Variants in CDH12 observed in about 807,000 individuals in gnomAD.
CDH12 encodes the protein cadherin-12.
Under a neutral mutation model 74.1 loss-of-function variants are expected in CDH12, and 41 were observed. That is an observed-to-expected ratio of 0.55 (90% CI 0.43 to 0.72). The LOEUF is 0.72. Ranked by LOEUF, CDH12 falls within the 30% of genes least tolerant of loss-of-function variation. The pLI, the probability that CDH12 is intolerant of heterozygous loss-of-function variation, is 0.00. For synonymous variants in CDH12, 399 were observed against 355.0 expected (o/e 1.12, Z -1.39); for missense variants, 945 against 977.2 (o/e 0.97, Z 0.44).
At chr5:22,677,524 A>G (rs549387605) in intron 1 of CDH12, among the ~76,000 whole-genome samples, 4 of 152,096 alleles carry the variant, frequency 2.6e-5, no homozygotes, top group Non-Finnish European at 5.9e-5. Flanking sequence ...TCATGACCAA[A>G]TCACCTCTCA....
At chr5:21,838,036 A>G (rs1172373982) in intron 8 of CDH12, among the ~76,000 whole-genome samples, 2 of 152,182 alleles carry the variant, frequency 1.3e-5, no homozygotes, top group Non-Finnish European at 1.5e-5. Flanking sequence ...GTGACAGATA[A>G]AGGAAACTAA....
Position 22,599,379 on chromosome 5 carries a change from C to T in CDH12, c.-522-94015G>A, listed in dbSNP as rs146219493. On this transcript the variant is annotated intron_variant, in intron 1 of 14. Coordinates refer to ENST00000382254, the MANE Select transcript of CDH12 (RefSeq NM_004061.5). ...TGGAAAATACAACAAAAGGAATAGC[C>T]TAGGTGACTTTACATTCACTGGGCT... Among the ~76,000 whole-genome samples the T allele has an allele frequency of 3.6e-3, 551 of 152,214 alleles. 1 individual carries two copies. Among genetic ancestry groups the T allele is most frequent in the African/African-American group, 0.01 (424 of 41,542 alleles).
At chr5:22,239,253 C>T (rs1412469802) in intron 3 of CDH12, among the ~76,000 whole-genome samples, 5 of 152,090 alleles carry the variant, frequency 3.3e-5, no homozygotes, top group African/African-American at 9.7e-5. Flanking sequence ...AGGGAAATTT[C>T]CCCAGAAATT....
intron 3 of CDH12, among the ~76,000 whole-genome samples, chr5:22,268,279 A>G (rs1191086500): frequency 6.6e-6 from 1 of 152,100 alleles, no homozygotes; most frequent in Non-Finnish European, 1.5e-5. Context: ...GTGTGTATAT[A>G]TATGTACATA....
chr5:22,471,294 A>C (rs1442781036), intron 2 of CDH12, among the ~76,000 whole-genome samples: 1 of 152,090 alleles, frequency 6.6e-6, no homozygotes, highest in African/African-American at 2.4e-5. Context: ...GCATTTCTGC[A>C]CCTTGCTTCC....
At chr5:21,825,002 A>G (rs959323792) in intron 8 of CDH12, among the ~76,000 whole-genome samples, 1 of 152,000 alleles carries the variant, frequency 6.6e-6, no homozygotes, top group African/African-American at 2.4e-5. Context: ...AAAAATAAAA[A>G]AATTAGCCGG....
intron 3 of CDH12, among the ~76,000 whole-genome samples, chr5:22,267,828 C>G (rs1013133640): frequency 6.6e-6 from 1 of 152,004 alleles, no homozygotes; most frequent in Non-Finnish European, 1.5e-5. Context: ...TCAAGGAGGA[C>G]AAAACAAAGA....
At chr5:22,784,616 C>T (rs1747536179) in intron 1 of CDH12, among the ~76,000 whole-genome samples, 2 of 152,134 alleles carry the variant, frequency 1.3e-5, no homozygotes. Flanking sequence ...ATGGCAAACT[C>T]ATCAATCTAC....
intron 5 of CDH12, among the ~76,000 whole-genome samples, chr5:22,001,281 A>G (rs1736585994): frequency 6.6e-6 from 1 of 152,074 alleles, no homozygotes; most frequent in Non-Finnish European, 1.5e-5. Context: ...AGTCACTGCT[A>G]GAGGCCTACC....
intron 5 of CDH12, among the ~76,000 whole-genome samples, chr5:22,003,361 T>C (rs1736720325): frequency 6.6e-6 from 1 of 152,190 alleles, no homozygotes; most frequent in Non-Finnish European, 1.5e-5. Flanking sequence ...TCAAAGCAAC[T>C]GAAATGATCT....
intron 1 of CDH12, among the ~76,000 whole-genome samples, chr5:22,528,020 C>T (rs1255302348): frequency 6.6e-6 from 1 of 152,066 alleles, no homozygotes; most frequent in Admixed American, 6.6e-5. Flanking sequence ...TCTGTATAAA[C>T]TAGAAAACTC....
intron 11 of CDH12, among the ~76,000 whole-genome samples, chr5:21,773,494 A>G (rs1406683737): frequency 6.6e-6 from 1 of 152,112 alleles, no homozygotes; most frequent in Non-Finnish European, 1.5e-5. Flanking sequence ...TCAGACTCCA[A>G]GTTCTTCAGC....
intron 3 of CDH12, among the ~76,000 whole-genome samples, chr5:22,242,188 G>A (rs1318970695): frequency 2.6e-5 from 4 of 152,064 alleles, no homozygotes; most frequent in Non-Finnish European, 5.9e-5. Context: ...CAGGAAAAAT[G>A]AGTTAAAGAG....
At chr5:22,075,432 G>C (rs1375184908) in intron 5 of CDH12, among the ~76,000 whole-genome samples, 1 of 151,722 alleles carries the variant, frequency 6.6e-6, no homozygotes, top group African/African-American at 2.4e-5. Flanking sequence ...TGCACGTTGT[G>C]CACATGTACC....
At chr5:21,855,856 A>G (rs935718755) in intron 6 of CDH12, among the ~76,000 whole-genome samples, 11 of 151,696 alleles carry the variant, frequency 7.3e-5, no homozygotes, top group African/African-American at 2.2e-4. Flanking sequence ...TAGAAGCTAA[A>G]AGAATGAATT....
At position 22,012,509 on chromosome 5, in the gene CDH12, G is replaced by A. The variant is rs185385799; in HGVS notation, c.232-37124C>T. Among the ~76,000 whole-genome samples the A allele has an allele frequency of 2.6e-5, 4 of 152,162 alleles. No homozygotes were observed. The East Asian group carries it at 7.7e-4, about 29-fold the overall frequency. On this transcript the variant is annotated intron_variant, in intron 5 of 14. Transcript: ENST00000382254. ...AGAGTGTAAAATTTGTCTTTCAGTT[G>A]ACAGTGAGTTACAGGTGAAAAGCTT...
At chr5:22,771,567 A>G (rs1464207803) in intron 1 of CDH12, among the ~76,000 whole-genome samples, 1 of 152,104 alleles carries the variant, frequency 6.6e-6, no homozygotes, top group Admixed American at 6.6e-5. Context: ...ATTTTTATTT[A>G]TTCCTTTAGT....
intron 10 of CDH12, among the ~76,000 whole-genome samples, chr5:21,791,531 G>A (rs1469188747): frequency 6.6e-6 from 1 of 151,880 alleles, no homozygotes; most frequent in Non-Finnish European, 1.5e-5. Flanking sequence ...GAGTTTCAAT[G>A]AGCAAAATAT....
chr5:22,191,855 C>T (rs942385715), intron 4 of CDH12, among the ~76,000 whole-genome samples: 20 of 152,028 alleles, frequency 1.3e-4, no homozygotes, highest in South Asian at 2.1e-4. Context: ...TGAGCCACCG[C>T]GCCCGGCCCA....
Sources: allele counts gnomAD v4.1 joint callset (sites outside exome capture counted in the v4.1 genomes callset), GRCh38; gene constraint gnomAD v4.1.1; transcripts MANE v1.5; gene names NCBI Gene and HGNC (gene_info 2026-07-23, HGNC 2026-07-21).